Variants in PLXDC1 observed in about 807,000 individuals in gnomAD.
PLXDC1 encodes plexin domain containing 1, also known as plexin domain-containing protein 1.
A neutral mutation model predicts 61.3 loss-of-function variants in PLXDC1; 39 were observed. The ratio of observed to expected loss-of-function variants is 0.64; its 90% CI spans 0.49 to 0.83. The LOEUF (loss-of-function observed/expected upper bound fraction) is 0.83. Among genes scored for constraint, PLXDC1 ranks in the 40% least tolerant of loss-of-function variants. The pLI, the probability that PLXDC1 is intolerant of heterozygous loss-of-function variation, is 0.00. For synonymous variants in PLXDC1, 212 were observed against 254.5 expected (o/e 0.83, Z 1.59); for missense variants, 596 against 666.5 (o/e 0.89, Z 1.17).
chr17:39,117,850 G>A lies in PLXDC1; in HGVS notation c.256-8459C>T, dbSNP rs1469488636. 3.3e-5 allele frequency among the ~76,000 whole-genome samples: 5 copies of A among 152,174 alleles called. No individual in the cohort carries two copies. In the South Asian group the frequency reaches 6.2e-4, roughly 19 times the overall value. On this transcript the variant is annotated intron_variant, in intron 2 of 13. Transcript: ENST00000315392. ...TCCACATGCCCAGGGAGGTGCAACA[G>A]TTCTGCCAACCACTCAGGCCTTGTG...
At chr17:39,085,810 G>A (rs1909720233) in intron 8 of PLXDC1, among the ~76,000 whole-genome samples, 1 of 152,140 alleles carries the variant, frequency 6.6e-6, no homozygotes, top group Admixed American at 6.5e-5. Flanking sequence ...TGGTTTCCCA[G>A]GGGCTCAAAT....
intron 9 of PLXDC1, among the ~76,000 whole-genome samples, chr17:39,081,693 A>G (rs1283706454): frequency 6.6e-6 from 1 of 151,482 alleles, no homozygotes; most frequent in African/African-American, 2.4e-5. Context: ...CTGTAATCCC[A>G]GCATTTTGGG....
In PLXDC1 at chr17:39,151,525, C is replaced by T; in HGVS notation, c.-88G>A. On this transcript the variant is annotated 5_prime_UTR_variant, in exon 1 of 14. Transcript: ENST00000315392. The surrounding 1 kb of genome is among the most constrained non-coding windows in gnomAD (Gnocchi z 5.2). ...CTGGCTCAGGCTGCGGCCGCGCGGT[C>T]CCCGGGGCTGGCGGAGGGGCGGGCG... 1 of 1,222,578 alleles carries T rather than the reference C, an allele frequency of 8.2e-7. No individual in the cohort carries two copies. Among genetic ancestry groups the T allele is most frequent in the Non-Finnish European group, 1.0e-6 (1 of 982,046 alleles). 75.7% of individuals were successfully genotyped at this position (1,222,578 alleles called of 1,614,324 possible). A position where few individuals can be genotyped will look rare whatever the true frequency, so the allele number is the denominator to read the frequency against.
At chr17:39,148,772 C>T (rs916382386) in intron 1 of PLXDC1, among the ~76,000 whole-genome samples, 25 of 152,012 alleles carry the variant, frequency 1.6e-4, no homozygotes, top group African/African-American at 5.8e-4. Context: ...CTATTTTGCC[C>T]AGGCTGGTCT....
chr17:39,073,909 G>T (rs992253226), intron 11 of PLXDC1, among the ~76,000 whole-genome samples: 17 of 152,208 alleles, frequency 1.1e-4, no homozygotes, highest in African/African-American at 4.1e-4. Flanking sequence ...TCATTTAAGT[G>T]AGTAGCGTTT....
At chr17:39,115,003 G>A (rs542454426) in intron 2 of PLXDC1, among the ~76,000 whole-genome samples, 22 of 152,354 alleles carry the variant, frequency 1.4e-4, no homozygotes, top group South Asian at 2.1e-4. Flanking sequence ...ACTGCAAAGC[G>A]TGAGCTTCCT....
At chr17:39,147,444 C>G (rs1019020760) in intron 1 of PLXDC1, among the ~76,000 whole-genome samples, 4 of 152,178 alleles carry the variant, frequency 2.6e-5, no homozygotes, top group African/African-American at 9.7e-5. Flanking sequence ...CTTGCTGCAC[C>G]TTGGGCAACA....
rs915513759 is a variant in PLXDC1 at position 39,065,942 on chromosome 17, T to G, written c.*1898A>C. 8 of 152,386 alleles carry G rather than the reference T, an allele frequency of 5.2e-5. No homozygotes were observed. Among genetic ancestry groups the G allele is most frequent in the African/African-American group, 1.9e-4 (8 of 41,436 alleles). The allele number at this position is 152,386 out of a possible 1,614,324, so 9.4% of individuals were successfully genotyped here. A position where few individuals can be genotyped will look rare whatever the true frequency, so the allele number is the denominator to read the frequency against. ...GCAGGTGCCTCTCCAACCTGGTGTC[T>G]TTGGGCATCCTTGCCCTGGGCGACA... On this transcript the variant is annotated 3_prime_UTR_variant, in exon 14 of 14. Coordinates refer to ENST00000315392, the MANE Select transcript of PLXDC1 (RefSeq NM_020405.5).
upstream of PLXDC1, chr17:39,152,560 G>A (rs946280282): frequency 8.0e-6 from 10 of 1,245,162 alleles, no homozygotes; most frequent in African/African-American, 1.2e-4. Context: ...TTCTTGTGAC[G>A]GCAAGGAGCT....
chr17:39,123,929 G>T (rs1911241968), intron 2 of PLXDC1, among the ~76,000 whole-genome samples: 1 of 152,176 alleles, frequency 6.6e-6, no homozygotes, highest in Admixed American at 6.5e-5. Context: ...GGCCAGGCTG[G>T]TCAGGATGGT....
intron 1 of PLXDC1, among the ~76,000 whole-genome samples, chr17:39,147,422 T>C (rs569798937): frequency 4.7e-4 from 71 of 152,312 alleles, no homozygotes; most frequent in African/African-American, 1.5e-3. Flanking sequence ...CCCCTCGGTG[T>C]TGGTGTGTCA....
At chr17:39,079,255 G>C in intron 9 of PLXDC1, 91 bp from the exon 10 acceptor site, 1 of 1,126,182 alleles carries the variant, frequency 8.9e-7, no homozygotes, top group Non-Finnish European at 1.3e-6. Context: ...TGCTGATAGT[G>C]AGAAGAGGAG....
intron 2 of PLXDC1, among the ~76,000 whole-genome samples, chr17:39,128,086 T>TGTATATATATATATATATATA (rs1567769441): frequency 2.5e-5 from 3 of 118,320 alleles, no homozygotes; most frequent in South Asian, 2.8e-4. Flanking sequence ...TCTCTCTCTC[T>TGTATATATATATATATATATA]CTCTCTATGT....
chr17:39,142,801 T>C (rs959125739), intron 1 of PLXDC1, among the ~76,000 whole-genome samples: 2 of 152,168 alleles, frequency 1.3e-5, no homozygotes, highest in African/African-American at 4.8e-5. Flanking sequence ...CCCAAAGTGG[T>C]GGGATTATAA....
chr17:39,089,111 AG>A (rs1247681091), intron 7 of PLXDC1, among the ~76,000 whole-genome samples: 1 of 152,222 alleles, frequency 6.6e-6, no homozygotes, highest in African/African-American at 2.4e-5. Flanking sequence ...ACAAGAGGAA[AG>A]AACCACTCAG....
chr17:39,107,584 C>A, intron 5 of PLXDC1, 59 bp from the exon 6 acceptor site: 1 of 1,242,664 alleles, frequency 8.0e-7, no homozygotes, highest in Non-Finnish European at 1.2e-6. Context: ...CAGGGCCCTA[C>A]AGAAATGCCA....
intron 9 of PLXDC1, among the ~76,000 whole-genome samples, chr17:39,082,563 CA>C (rs11414417): frequency 3.8e-4 from 55 of 143,712 alleles, no homozygotes; most frequent in East Asian, 1.4e-3. Flanking sequence ...AAAACTCTCT[CA>C]AAAAAAAAAA....
At position 39,151,544 on chromosome 17, in the gene PLXDC1, GC is replaced by G. The variant is rs2045372806; in HGVS notation, c.-108del. On this transcript the variant is annotated 5_prime_UTR_variant, in exon 1 of 14. Coordinates refer to ENST00000315392, the MANE Select transcript of PLXDC1 (RefSeq NM_020405.5). The surrounding 1 kb of genome is among the most constrained non-coding windows in gnomAD (Gnocchi z 5.2). ...CGCGGTCCCCGGGGCTGGCGGAGGG[GC>G]GGGCGGCGAGGAGACGGCGGAGCGC... is the stretch of plus-strand genomic sequence containing the variant. 2.5e-6 allele frequency: 3 copies of G among 1,213,484 alleles called. No individual in the cohort carries two copies. Among genetic ancestry groups the G allele is most frequent in the Non-Finnish European group, 3.1e-6 (3 of 976,156 alleles). The allele number at this position is 1,213,484 out of a possible 1,614,324, so 75.2% of individuals were successfully genotyped here. A position where few individuals can be genotyped will look rare whatever the true frequency, so the allele number is the denominator to read the frequency against.
rs1910572016 is a variant in PLXDC1, at chr17:39,105,839, T to A, written c.811+15A>T. ...TACCCCCATCAAGGCCTCTGCGGGG[T>A]CCCTGAAGACTCACCTGGCACATCC... On this transcript the variant is annotated intron_variant, in intron 7 of 13. Coordinates refer to ENST00000315392, the MANE Select transcript of PLXDC1 (RefSeq NM_020405.5). The A allele has an allele frequency of 6.4e-7, 1 of 1,569,126 alleles. No homozygotes were observed. Among genetic ancestry groups the A allele is most frequent in the Admixed American group, 1.7e-5 (1 of 59,662 alleles).
Sources: gnomAD v4.1 joint callset for allele counts (sites outside exome capture counted in the v4.1 genomes callset) on GRCh38, gnomAD v4.1.1 for gene constraint, Gnocchi (gnomAD v3.1) non-coding constraint, MANE v1.5 for transcripts, NCBI Gene and HGNC (gene_info 2026-07-23, HGNC 2026-07-21) for gene names.